DMD: variants seen among roughly 807,000 people sequenced by gnomAD.
DMD encodes dystrophin.
DMD carries 63 observed loss-of-function variants against 330.1 expected under a neutral mutation model. The observed-to-expected ratio is 0.19, with a 90% CI of 0.16 to 0.24. The LOEUF is 0.24. DMD is among the 10% of genes least tolerant of loss of function. DMD has a pLI of 1.00. For missense variants in DMD, 3,344 were observed against 2,684.1 expected (o/e 1.25, Z -5.43); for synonymous variants, 1,223 against 959.8 (o/e 1.27, Z -5.07).
At chrX:33,120,878 CAAAAAAA>C (rs1171070469) in intron 1 of DMD, among the ~76,000 whole-genome samples, 32 of 36,699 alleles carry the variant, frequency 8.7e-4, no homozygotes, top group African/African-American at 2.7e-3. Context: ...ATGACTCTCT[CAAAAAAA>C]AAAAAAAAAA....
intron 51 of DMD, among the ~76,000 whole-genome samples, chrX:31,744,566 T>C (rs1183718797): frequency 1.8e-5 from 2 of 112,530 alleles, no homozygotes; most frequent in Non-Finnish European, 3.7e-5. Context: ...TCAAGACGAA[T>C]TCTCTTGTCC....
intron 45 of DMD, among the ~76,000 whole-genome samples, chrX:31,963,877 C>T (rs781120412): frequency 1.9e-5 from 2 of 106,029 alleles, no homozygotes; most frequent in Non-Finnish European, 3.9e-5. Flanking sequence ...TTGCAAGCCC[C>T]AGTGTAATAA....
chrX:32,392,241 G>C (rs2147652217), intron 30 of DMD, among the ~76,000 whole-genome samples: 1 of 111,000 alleles, frequency 9.0e-6, no homozygotes, highest in South Asian at 3.9e-4. Flanking sequence ...ATGCGGTATG[G>C]CTTTATTTAT....
At chrX:31,788,391 C>A (rs950309374) in intron 50 of DMD, among the ~76,000 whole-genome samples, 2 of 111,856 alleles carry the variant, frequency 1.8e-5, no homozygotes, top group East Asian at 2.8e-4. Flanking sequence ...CATATTTAAA[C>A]CTTGTTTACA....
At chrX:32,658,691 T>C (rs955714948) in intron 9 of DMD, among the ~76,000 whole-genome samples, 2 of 110,886 alleles carry the variant, frequency 1.8e-5, no homozygotes, top group Admixed American at 9.7e-5. Flanking sequence ...TCCCACTCTA[T>C]TGCATGTCCA....
rs35306515 is a variant in DMD at position 31,449,787 on chromosome X, T to TAGATAGATAG, written c.8938-5161_8938-5160insCTATCTATCT. Among the ~76,000 whole-genome samples, 93 of 89,668 alleles carry TAGATAGATAG rather than the reference T, an allele frequency of 1.0e-3. 1 individual carries two copies. Among genetic ancestry groups the TAGATAGATAG allele is most frequent in the African/African-American group, 2.8e-3 (64 of 22,981 alleles). The allele number at this position is 89,668 out of a possible 115,157, so 77.9% of individuals were successfully genotyped here. A position where few individuals can be genotyped will look rare whatever the true frequency, so the allele number is the denominator to read the frequency against. ...TGATATATATATATATATATATATA[T>TAGATAGATAG]ATATATATATAGATAGATAGATAGA... On this transcript the variant is annotated intron_variant, in intron 59 of 78. Coordinates refer to ENST00000357033, the MANE Select transcript of DMD (RefSeq NM_004006.3).
chrX:32,892,587 G>A (rs748361141), intron 2 of DMD, among the ~76,000 whole-genome samples: 1 of 110,769 alleles, frequency 9.0e-6, no homozygotes, highest in East Asian at 2.8e-4. Flanking sequence ...TAGTAGAGAC[G>A]GGGTTTCACC....
At chrX:32,568,422 G>A (rs1276372059) in intron 15 of DMD, among the ~76,000 whole-genome samples, 2 of 108,313 alleles carry the variant, frequency 1.8e-5, no homozygotes, top group Non-Finnish European at 3.8e-5. Context: ...GCAAGGAATC[G>A]CTGGAACCAG....
chrX:32,357,155 T>C (rs1037232543), intron 37 of DMD, among the ~76,000 whole-genome samples: 9 of 112,008 alleles, frequency 8.0e-5, no homozygotes, highest in Non-Finnish European at 1.5e-4. Context: ...TCCCAAAGTG[T>C]TGGGATTACA....
chrX:31,166,248 A>G (rs964559225), intron 74 of DMD, among the ~76,000 whole-genome samples: 1 of 111,407 alleles, frequency 9.0e-6, no homozygotes, highest in Non-Finnish European at 1.9e-5. Flanking sequence ...GAGATAAGAT[A>G]CCTCTGAGAC....
chrX:32,485,948 G>T (rs1003899304), intron 20 of DMD, among the ~76,000 whole-genome samples: 21 of 108,639 alleles, frequency 1.9e-4, no homozygotes, highest in Non-Finnish European at 3.8e-4. Flanking sequence ...TTTCACTGTT[G>T]GCCAGGCTGG....
chrX:32,098,120 A>G (rs1025173128), intron 44 of DMD, among the ~76,000 whole-genome samples: 4 of 111,881 alleles, frequency 3.6e-5, no homozygotes, highest in Non-Finnish European at 7.5e-5. Flanking sequence ...TTTGCGTGAT[A>G]TATGCATATA....
At position 32,403,284 on chromosome X, in the gene DMD, A is replaced by T. The variant is rs770980954; in HGVS notation, c.4233+8468T>A. Among the ~76,000 whole-genome samples the T allele has an allele frequency of 6.3e-5, 7 of 111,860 alleles. No individual in the cohort carries two copies. In the East Asian group the frequency reaches 2.0e-3, roughly 31 times the overall value. ...TTGGGAAATAATAGGATAAATTTGG[A>T]TCACTTCAAAATATTCAGAGTGTTG... is the stretch of plus-strand genomic sequence containing the variant. On this transcript the variant is annotated intron_variant, in intron 30 of 78. Coordinates refer to ENST00000357033, the MANE Select transcript of DMD (RefSeq NM_004006.3).
intron 2 of DMD, among the ~76,000 whole-genome samples, chrX:32,870,979 A>AAAAAAAAG (rs2082928627): frequency 2.4e-5 from 2 of 83,809 alleles, no homozygotes; most frequent in East Asian, 3.5e-4. Context: ...AAAAAAAAAA[A>AAAAAAAAG]AAAAAAAAAC....
intron 1 of DMD, among the ~76,000 whole-genome samples, chrX:33,071,059 G>A (rs1186794485): frequency 3.6e-5 from 4 of 110,989 alleles, no homozygotes; most frequent in African/African-American, 1.3e-4. Flanking sequence ...TATACTTGAA[G>A]TTAGAATACC....
At chrX:32,752,684 T>C (rs2070985870) in intron 7 of DMD, among the ~76,000 whole-genome samples, 1 of 108,570 alleles carries the variant, frequency 9.2e-6, no homozygotes, top group South Asian at 4.1e-4. Context: ...TGGAATGATA[T>C]GGTTTGGCTG....
intron 61 of DMD, among the ~76,000 whole-genome samples, chrX:31,334,878 C>T (rs1360376679): frequency 9.0e-6 from 1 of 111,596 alleles, no homozygotes; most frequent in African/African-American, 3.3e-5. Flanking sequence ...ATTAATATTT[C>T]TCAAACCCTC....
chrX:32,885,834 A>AGG (rs1569539054), intron 2 of DMD, among the ~76,000 whole-genome samples: 262 of 106,512 alleles, frequency 2.5e-3, no homozygotes, highest in African/African-American at 8.6e-3. Flanking sequence ...GGGGAAAAAA[A>AGG]AAAAAAAAAA....
chrX:32,298,205 G>A (rs1312299815), intron 42 of DMD, among the ~76,000 whole-genome samples: 5 of 110,472 alleles, frequency 4.5e-5, no homozygotes, highest in African/African-American at 1.3e-4. Flanking sequence ...CAATGAGGGG[G>A]AAACTTGTTA....
Sources: allele counts gnomAD v4.1 joint callset (sites outside exome capture counted in the v4.1 genomes callset), GRCh38; gene constraint gnomAD v4.1.1; transcripts MANE v1.5; gene names NCBI Gene and HGNC (gene_info 2026-07-23, HGNC 2026-07-21).